The following IQANK1 variants were observed in gnomAD, a reference collection of about 807,000 sequenced individuals.
The protein encoded by IQANK1 is IQ motif and ankyrin repeat containing 1, also known as IQ motif and ankyrin repeat domain-containing protein 1.
A neutral mutation model predicts 22.6 loss-of-function variants in IQANK1; 30 were observed. The observed-to-expected ratio is 1.33, with a 90% CI of 0.99 to 1.80. The LOEUF is 1.80. Ranked by LOEUF, IQANK1 falls within the 40% of genes most tolerant of loss-of-function variation. IQANK1 has a pLI of 0.00. For synonymous variants in IQANK1, 122 were observed against 99.6 expected (o/e 1.23, Z -1.34); for missense variants, 275 against 235.2 (o/e 1.17, Z -1.11).
intron 7 of IQANK1, among the ~76,000 whole-genome samples, chr8:143,786,204 A>G (rs2129951796): frequency 6.6e-6 from 1 of 152,292 alleles, no homozygotes; most frequent in East Asian, 1.9e-4. Flanking sequence ...GAAGCCTAGA[A>G]AGGTATTTTT....
At position 143,789,857 on chromosome 8, in the gene IQANK1, C is replaced by T; in HGVS notation, c.1183C>T (p.Gln395Ter). The change falls in exon 11 of 14, where the codon CAG (glutamine) becomes TAG (stop). Residue 395 changes from glutamine (Q) to a stop codon, truncating the protein, a stop_gained. Transcript: ENST00000527139. LOFTEE classifies it high-confidence loss of function. ...TATGGCCAGGCTGGAGCTTCGGGAG[C>T]AGACGCAGGAGGGTGGGCCTGGCAT... ...LAMARLELREQTQEGEEEAPG... is the reference protein window; with the variant it reads ...LAMARLELRE The T allele has an allele frequency of 8.1e-7, 1 of 1,232,034 alleles. No individual in the cohort carries two copies. Among genetic ancestry groups the T allele is most frequent in the African/African-American group, 1.5e-5 (1 of 64,542 alleles). 76.3% of individuals were successfully genotyped at this position (1,232,034 alleles called of 1,614,324 possible). A position where few individuals can be genotyped will look rare whatever the true frequency, so the allele number is the denominator to read the frequency against.
At chr8:143,773,494 T>G (rs1819626253) in intron 7 of IQANK1, among the ~76,000 whole-genome samples, 1 of 151,980 alleles carries the variant, frequency 6.6e-6, no homozygotes, top group African/African-American at 2.4e-5. Context: ...CAACTTAATT[T>G]GAACCCCAGT....
At chr8:143,776,462 G>C (rs1331170150) in intron 7 of IQANK1, among the ~76,000 whole-genome samples, 1 of 152,098 alleles carries the variant, frequency 6.6e-6, no homozygotes, top group Non-Finnish European at 1.5e-5. Context: ...TTGGACATCA[G>C]GCAACAAATC....
intron 3 of IQANK1, chr8:143,743,025 C>T (rs1382701163): frequency 2.2e-6 from 1 of 456,022 alleles, no homozygotes; most frequent in Non-Finnish European, 4.4e-6. Flanking sequence ...CATTGAGATG[C>T]CCAGGAGATG....
At position 143,771,881 on chromosome 8, in the gene IQANK1, G is replaced by C. The variant is rs1819582186; in HGVS notation, c.387G>C (p.Arg129=). ...AGGAGGAGGCGGCGCAGCGGGAGCG[G>C]CGGGAGGAGCTGCAGCGTCGCCGCC... ...REQEEAAQRE[R]REELQRRRRL... Residue 129 remains arginine (R), a synonymous_variant, in exon 5 of 14, where the codon CGG becomes CGC. Coordinates refer to ENST00000527139, the MANE Select transcript of IQANK1 (RefSeq NM_001381874.1). The surrounding 1 kb of genome is among the most constrained non-coding windows in gnomAD (Gnocchi z 6.0). 5.1e-6 allele frequency: 2 copies of C among 394,076 alleles called. No homozygotes were observed. The highest frequency in any genetic ancestry group is 9.0e-6 in the Non-Finnish European group (2 of 223,336). The allele number at this position is 394,076 out of a possible 1,614,324, so 24.4% of individuals were successfully genotyped here. A position where few individuals can be genotyped will look rare whatever the true frequency, so the allele number is the denominator to read the frequency against.
At position 143,786,709 on chromosome 8, in the gene IQANK1, G is replaced by T. The variant is rs186488293; in HGVS notation, c.790-2206G>T. Among the ~76,000 whole-genome samples, 25 of 152,346 alleles carry T rather than the reference G, an allele frequency of 1.6e-4. 1 individual carries two copies. Among genetic ancestry groups the T allele is most frequent in the Admixed American group, 1.3e-3 (20 of 15,308 alleles). ...AACTCACAGTGCAGTGGAGATGCCA[G>T]GCTACCAGGGCGGGCAGGGCTGGGC... On this transcript the variant is annotated intron_variant, in intron 7 of 13. Transcript: ENST00000527139.
chr8:143,762,114 G>GT (rs1189266766), intron 3 of IQANK1, among the ~76,000 whole-genome samples: 8 of 152,070 alleles, frequency 5.3e-5, no homozygotes, highest in Admixed American at 5.2e-4. Flanking sequence ...CTGATCCTTT[G>GT]TAACTATTTA....
Position 143,764,550 on chromosome 8 carries a change from C to T in IQANK1, c.176-6938C>T, listed in dbSNP as rs1007888332. The stretch of plus-strand genomic sequence containing the variant: ...TGGGGAGGTCAAGGCTGCAGTGAGC[C>T]GTGATGGCGTCACTGCACTCCAGCC... On this transcript the variant is annotated intron_variant, in intron 3 of 13. Coordinates refer to ENST00000527139, the MANE Select transcript of IQANK1 (RefSeq NM_001381874.1). 1.1e-4 allele frequency among the ~76,000 whole-genome samples: 17 copies of T among 151,870 alleles called. 1 individual carries two copies. Among genetic ancestry groups the T allele is most frequent in the African/African-American group, 3.1e-4 (13 of 41,306 alleles).
intron 3 of IQANK1, among the ~76,000 whole-genome samples, chr8:143,743,614 G>A (rs559322329): frequency 1.3e-5 from 2 of 152,156 alleles, no homozygotes; most frequent in Non-Finnish European, 2.9e-5. Context: ...GAAATGTATC[G>A]TGTTGGGTGT....
At chr8:143,757,678 G>A (rs1455485780) in intron 3 of IQANK1, among the ~76,000 whole-genome samples, 2 of 151,886 alleles carry the variant, frequency 1.3e-5, no homozygotes, top group Admixed American at 6.6e-5. Flanking sequence ...TTTAGAGATG[G>A]CGTCTCACTG....
At chr8:143,762,790 C>T (rs906250481) in intron 3 of IQANK1, among the ~76,000 whole-genome samples, 1 of 152,164 alleles carries the variant, frequency 6.6e-6, no homozygotes, top group African/African-American at 2.4e-5. Context: ...TGACAATGAC[C>T]TAGGCATTCC....
intron 2 of IQANK1, among the ~76,000 whole-genome samples, chr8:143,738,213 C>T (rs1259075228): frequency 3.9e-5 from 6 of 152,182 alleles, no homozygotes; most frequent in Non-Finnish European, 8.8e-5. Context: ...GGTTTGCGAA[C>T]TCGACTTCGT....
chr8:143,782,241 G>C (rs1419597303), intron 7 of IQANK1, among the ~76,000 whole-genome samples: 1 of 152,172 alleles, frequency 6.6e-6, no homozygotes, highest in Non-Finnish European at 1.5e-5. Context: ...TCTGGATATA[G>C]AATCATGTTG....
At chr8:143,749,133 GATAT>G (rs1198506244) in intron 3 of IQANK1, among the ~76,000 whole-genome samples, 1 of 120,092 alleles carries the variant, frequency 8.3e-6, no homozygotes, top group Non-Finnish European at 1.6e-5. Context: ...TAGCATATAT[GATAT>G]ATATCATACA....
At chr8:143,788,058 C>T (rs1819928165) in intron 7 of IQANK1, among the ~76,000 whole-genome samples, 1 of 152,220 alleles carries the variant, frequency 6.6e-6, no homozygotes, top group African/African-American at 2.4e-5. Flanking sequence ...CTGCCCCACC[C>T]GGCCCTTCTC....
intron 7 of IQANK1, among the ~76,000 whole-genome samples, chr8:143,777,834 T>C (rs1290435703): frequency 2.6e-5 from 4 of 151,966 alleles, no homozygotes; most frequent in Non-Finnish European, 4.4e-5. Flanking sequence ...AAACAGCAAA[T>C]GGTAGATTTT....
Position 143,734,189 on chromosome 8 carries a change from C to G in IQANK1, c.-35C>G, listed in dbSNP as rs1227529257. The G allele has an allele frequency of 6.6e-6, 1 of 152,176 alleles. No individual in the cohort carries two copies. Among genetic ancestry groups the G allele is most frequent in the Admixed American group, 6.5e-5 (1 of 15,274 alleles). 9.4% of individuals were successfully genotyped at this position (152,176 alleles called of 1,614,324 possible). ...ACGCCAGGGGCGGAGCTCTGGCCTC[C>G]TCGCCGAGTTGGGGGAGGCAGGTGC... On this transcript the variant is annotated 5_prime_UTR_variant, in exon 1 of 14. Transcript: ENST00000527139.
chr8:143,761,277 C>T (rs1011803980), intron 3 of IQANK1, among the ~76,000 whole-genome samples: 4 of 152,190 alleles, frequency 2.6e-5, no homozygotes, highest in African/African-American at 7.2e-5. Flanking sequence ...GACGGCCTCC[C>T]GTCTCCCCTG....
In IQANK1 at chr8:143,758,641, T is replaced by A. The variant is rs1554628658; in HGVS notation, c.176-12847T>A. The A allele has an allele frequency of 6.6e-6, 1 of 152,156 alleles. No individual in the cohort carries two copies. Among genetic ancestry groups the A allele is most frequent in the Non-Finnish European group, 1.5e-5 (1 of 68,048 alleles). The allele number at this position is 152,156 out of a possible 1,614,324, so 9.4% of individuals were successfully genotyped here. ...TTCCCACTACTCCAAAGGAATCCAATAAATAATTTTACAGTGAAGGGGCCT... is the reference window on the plus strand; with the variant it reads ...TTCCCACTACTCCAAAGGAATCCAAAAAATAATTTTACAGTGAAGGGGCCT... On this transcript the variant is annotated intron_variant, in intron 3 of 13. Transcript: ENST00000527139. This position sits in a 1 kb window ranked among gnomAD's most constrained non-coding sequence, Gnocchi z 4.2.
Sources: gnomAD v4.1 joint callset for allele counts (sites outside exome capture counted in the v4.1 genomes callset) on GRCh38, gnomAD v4.1.1 for gene constraint, Gnocchi (gnomAD v3.1) non-coding constraint, MANE v1.5 for transcripts, NCBI Gene and HGNC (gene_info 2026-07-23, HGNC 2026-07-21) for gene names.